RAB2B: variants seen among roughly 807,000 people sequenced by gnomAD.
The protein encoded by RAB2B is RAB2B, member RAS oncogene family.
In RAB2B, 20 loss-of-function variants were observed where a neutral mutation model predicts 29.8. The ratio of observed to expected loss-of-function variants is 0.67; its 90% confidence interval spans 0.47 to 0.97. The LOEUF is 0.97. Among genes scored for constraint, RAB2B ranks in the 50% least tolerant of loss-of-function variants. The probability of loss-of-function intolerance (pLI) is 0.00; values close to 1 mark genes in which losing one functional copy is unlikely to be tolerated. For synonymous variants in RAB2B, 93 were observed against 91.7 expected, an observed-to-expected ratio of 1.01 and a Z score of -0.08; for missense variants, 218 against 272.0, an observed-to-expected ratio of 0.80 and a Z score of 1.40.
At position 21,460,597 on chromosome 14, in the gene RAB2B, A is replaced by AAG; in HGVS notation, c.*598_*599insCT. 1 of 151,008 alleles carries AAG rather than the reference A, an allele frequency of 6.6e-6. No individual in the cohort carries two copies. Among genetic ancestry groups the AAG allele is most frequent in the Non-Finnish European group, 1.4e-5 (1 of 69,564 alleles). The allele number at this position is 151,008 out of a possible 1,614,324, so 9.4% of individuals were successfully genotyped here. A position where few individuals can be genotyped will look rare whatever the true frequency, so the allele number is the denominator to read the frequency against. ...AGACTCCATCCCCCCAAAAAAAAAA[A>AAG]AAAAAAAAGAAAAAAAAAATTATTT... On this transcript the variant is annotated 3_prime_UTR_variant, in exon 8 of 8. Transcript: ENST00000397762.
intron 5 of RAB2B, among the ~76,000 whole-genome samples, chr14:21,464,788 G>A (rs1315902601): frequency 6.6e-6 from 1 of 152,282 alleles, no homozygotes; most frequent in East Asian, 1.9e-4. Flanking sequence ...AGGATTACTT[G>A]AGCCCAGGAG....
At chr14:21,468,792 C>T in intron 3 of RAB2B, 40 bp from the exon 4 acceptor site, 1 of 1,401,046 alleles carries the variant, frequency 7.1e-7, no homozygotes, top group South Asian at 1.6e-5. Context: ...CCAACAAAAC[C>T]AGGTTATTTC....
intron 5 of RAB2B, 100 bp from the exon 6 acceptor site, chr14:21,463,867 T>C (rs1890626955): frequency 5.6e-6 from 4 of 713,554 alleles, no homozygotes; most frequent in Non-Finnish European, 9.6e-6. Context: ...AACTGCCAGT[T>C]ATTTCATAAA....
chr14:21,471,617 A>G (rs928059121), intron 3 of RAB2B, among the ~76,000 whole-genome samples: 3 of 145,794 alleles, frequency 2.1e-5, no homozygotes, highest in Non-Finnish European at 4.5e-5. Context: ...GACCCTGTCA[A>G]AAAAAAAAAA....
chr14:21,464,949 T>A (rs1450307286), intron 5 of RAB2B, among the ~76,000 whole-genome samples: 1 of 151,908 alleles, frequency 6.6e-6, no homozygotes, highest in African/African-American at 2.4e-5. Context: ...TGCCGTGAGC[T>A]GAGCACGTTA....
At chr14:21,468,786 C>A (rs1370292657) in intron 3 of RAB2B, 34 bp from the exon 4 acceptor site, 4 of 1,436,746 alleles carry the variant, frequency 2.8e-6, no homozygotes, top group Non-Finnish European at 3.7e-6. Context: ...AAAATCCCAA[C>A]AAAACCAGGT....
In RAB2B at chr14:21,461,319, G is replaced by A; in HGVS notation, c.544-16C>T. 6.3e-7 allele frequency: 1 copy of A among 1,584,468 alleles called. No individual in the cohort carries two copies. Among genetic ancestry groups the A allele is most frequent in the Non-Finnish European group, 8.7e-7 (1 of 1,154,580 alleles). On this transcript the variant is annotated splice_polypyrimidine_tract_variant and intron_variant, in intron 7 of 7. Coordinates refer to ENST00000397762, the MANE Select transcript of RAB2B (RefSeq NM_032846.4). ...TGCCATTTGCCTGTAAAAGAAAAGAGGCAATAGTTCCCACCTCAGTGTTAA... is the reference window on the plus strand; with the variant it reads ...TGCCATTTGCCTGTAAAAGAAAAGAAGCAATAGTTCCCACCTCAGTGTTAA...
At chr14:21,462,201 TTAA>T in intron 7 of RAB2B, 146 bp downstream of exon 7, 2 of 538,576 alleles carry the variant, frequency 3.7e-6, no homozygotes, top group East Asian at 3.4e-5. Context: ...GTACCTAGAT[TTAA>T]AAAAAAAAAA....
chr14:21,467,412 G>A (rs752455533), intron 5 of RAB2B, among the ~76,000 whole-genome samples: 1 of 152,172 alleles, frequency 6.6e-6, no homozygotes, highest in Non-Finnish European at 1.5e-5. Context: ...TTCCAGAGCT[G>A]GGATTACAGG....
intron 2 of RAB2B, 42 bp from the exon 3 acceptor site, chr14:21,474,976 C>G: frequency 6.4e-6 from 10 of 1,564,662 alleles, no homozygotes; most frequent in Non-Finnish European, 8.8e-6. Flanking sequence ...TTCTCACGAA[C>G]AGCAGCCACG....
intron 7 of RAB2B, 34 bp downstream of exon 7, chr14:21,462,316 A>G (rs769632454): frequency 1.9e-6 from 3 of 1,599,222 alleles, no homozygotes; most frequent in Non-Finnish European, 2.6e-6. Flanking sequence ...AGAACAAGCC[A>G]AAGTTAACTG....
intron 5 of RAB2B, among the ~76,000 whole-genome samples, chr14:21,465,371 G>C (rs994964659): frequency 6.6e-6 from 1 of 152,178 alleles, no homozygotes; most frequent in Non-Finnish European, 1.5e-5. Context: ...TTTGCTGCAG[G>C]CTTCTGTATC....
Position 21,474,908 on chromosome 14 carries a change from T to C in RAB2B, c.145A>G (p.Asn49Asp), listed in dbSNP as rs752634744. ...IGVEFGARMV[N>D]IDGKQIKLQI... ...AGTTTGATTTGTTTTCCATCAATGTTGACCATACGAGCTCCAAACTCCACA... is the reference window on the plus strand; with the variant it reads ...AGTTTGATTTGTTTTCCATCAATGTCGACCATACGAGCTCCAAACTCCACA... The change falls in exon 3 of 8, where the codon AAC becomes GAC. Residue 49 changes from asparagine (N) to aspartate (D), a missense_variant. Transcript: ENST00000397762. 3 of 1,614,138 alleles carry C rather than the reference T, an allele frequency of 1.9e-6. No homozygotes were observed. In the South Asian group the frequency reaches 3.3e-5, roughly 18 times the overall value.
intron 5 of RAB2B, among the ~76,000 whole-genome samples, chr14:21,467,719 T>C (rs1444079453): frequency 6.6e-6 from 1 of 152,172 alleles, no homozygotes; most frequent in Non-Finnish European, 1.5e-5. Flanking sequence ...CTTCTGGGCA[T>C]ATACCCAAAA....
intron 6 of RAB2B, among the ~76,000 whole-genome samples, chr14:21,463,012 C>T (rs1295490286): frequency 6.6e-6 from 1 of 151,970 alleles, no homozygotes; most frequent in Non-Finnish European, 1.5e-5. Flanking sequence ...ATACTCTATT[C>T]TCCACTGGTT....
intron 6 of RAB2B, 94 bp from the exon 7 acceptor site, chr14:21,462,512 A>G (rs1890583292): frequency 8.2e-7 from 1 of 1,226,824 alleles, no homozygotes; most frequent in East Asian, 2.6e-5. Context: ...TGAATTTCTA[A>G]GGTGAATTAG....
At chr14:21,476,455 T>C in intron 2 of RAB2B, 73 bp downstream of exon 2, 1 of 1,574,248 alleles carries the variant, frequency 6.4e-7, no homozygotes, top group Non-Finnish European at 8.7e-7. Context: ...CACTGAAGGC[T>C]GCTAACTTTC....
Position 21,468,341 on chromosome 14 carries a change from A to G in RAB2B, c.362+16T>C. 2 of 1,595,144 alleles carry G rather than the reference A, an allele frequency of 1.3e-6. No homozygotes were observed. Reference sequence around the variant, plus strand: ...ATGACTCCTGTTAACTATTATTCACATGGATACAATTTTACCTCTTATTCC... The same window carrying G: ...ATGACTCCTGTTAACTATTATTCACGTGGATACAATTTTACCTCTTATTCC... On this transcript the variant is annotated intron_variant, in intron 5 of 7. Transcript: ENST00000397762.
chr14:21,473,778 T>C (rs544891542), intron 3 of RAB2B, among the ~76,000 whole-genome samples: 26 of 152,218 alleles, frequency 1.7e-4, no homozygotes, highest in Admixed American at 1.4e-3. Context: ...TTTGGGAGGC[T>C]GAGGCGGGCG....
Sources: gnomAD v4.1 joint callset for allele counts (sites outside exome capture counted in the v4.1 genomes callset) on GRCh38, gnomAD v4.1.1 for gene constraint, MANE v1.5 for transcripts, NCBI Gene and HGNC (gene_info 2026-07-23, HGNC 2026-07-21) for gene names.